The following CBX1 variants were observed in gnomAD, a reference collection of about 807,000 sequenced individuals.
The protein encoded by CBX1 is chromobox 1.
In CBX1, 10 loss-of-function variants were observed where a neutral mutation model predicts 25.1. The ratio of observed to expected loss-of-function variants is 0.40; its 90% CI spans 0.25 to 0.68. The LOEUF (loss-of-function observed/expected upper bound fraction) is 0.68. Among genes scored for constraint, CBX1 ranks in the 30% least tolerant of loss-of-function variants. CBX1 has a pLI of 0.40. For synonymous variants in CBX1, 63 were observed against 79.4 expected (o/e 0.79, Z 1.10); for missense variants, 106 against 218.5 (o/e 0.49, Z 3.25).
chr17:48,096,609 T>C (rs1001151122), intron 1 of CBX1, among the ~76,000 whole-genome samples: 1 of 151,580 alleles, frequency 6.6e-6, no homozygotes, highest in African/African-American at 2.4e-5. Flanking sequence ...TCATCTCTAC[T>C]AAAAATACAA....
At position 48,095,312 on chromosome 17, in the gene CBX1, G is replaced by A. The variant is rs139921660; in HGVS notation, c.-38+5956C>T. 9.9e-3 allele frequency among the ~76,000 whole-genome samples: 1,500 copies of A among 152,160 alleles called. 16 individuals carry two copies. The highest frequency in any genetic ancestry group is 0.016 in the Non-Finnish European group (1,120 of 67,988). On this transcript the variant is annotated intron_variant, in intron 1 of 4. Coordinates refer to ENST00000225603, the MANE Select transcript of CBX1 (RefSeq NM_001127228.2). ...ACAATAAAGATGGATGTCTCAGGTG[G>A]GGCGCGGTGGCTCACGCCTGTAATC...
At chr17:48,091,786 A>G (rs1216405151) in intron 1 of CBX1, among the ~76,000 whole-genome samples, 2 of 149,894 alleles carry the variant, frequency 1.3e-5, no homozygotes, top group African/African-American at 4.9e-5. Flanking sequence ...CAGGTGATCC[A>G]CCAGCCTCAG....
chr17:48,092,338 C>T (rs190560036), intron 1 of CBX1, among the ~76,000 whole-genome samples: 235 of 151,736 alleles, frequency 1.5e-3, no homozygotes, highest in Non-Finnish European at 3.0e-3. Flanking sequence ...ATAAAATTAG[C>T]GAGGCACTGT....
chr17:48,084,473 T>C (rs1020970237), intron 1 of CBX1, among the ~76,000 whole-genome samples: 1 of 148,488 alleles, frequency 6.7e-6, no homozygotes, highest in Non-Finnish European at 1.5e-5. Flanking sequence ...CCTCCCAAAG[T>C]GCTGGGATAA....
At chr17:48,086,888 A>T (rs981907154) in intron 1 of CBX1, among the ~76,000 whole-genome samples, 2 of 151,922 alleles carry the variant, frequency 1.3e-5, no homozygotes, top group Non-Finnish European at 2.9e-5. Flanking sequence ...AAAAGAAAAA[A>T]ACAATAAATA....
At chr17:48,075,140 G>C (rs968341788) in intron 3 of CBX1, 40 bp from the exon 4 acceptor site, 1 of 1,292,374 alleles carries the variant, frequency 7.7e-7, no homozygotes, top group African/African-American at 1.5e-5. Flanking sequence ...TATCTATATG[G>C]GACTATTATC....
In CBX1 at chr17:48,075,056, C is replaced by T. The variant is rs2037661517; in HGVS notation, c.363G>A (p.Arg121=). 1 of 1,614,172 alleles carries T rather than the reference C, an allele frequency of 6.2e-7. No homozygotes were observed. The highest frequency in any genetic ancestry group is 8.5e-7 in the Non-Finnish European group (1 of 1,180,006). Residue 121 remains arginine, a synonymous_variant, in exon 4 of 5, where the codon CGG becomes CGA. Transcript: ENST00000225603. ...CACTGGAGTCTGTAGCTCCAATAAT[C>T]CGCTCCGGCTCCAAACCTCGAGCAA... The part of the protein sequence containing the change: ...RGFARGLEPE[R]IIGATDSSGE...
At chr17:48,101,219 GC>G in intron 1 of CBX1, 48 bp downstream of exon 1, 1 of 990,228 alleles carries the variant, frequency 1.0e-6, no homozygotes, top group Non-Finnish European at 1.2e-6. Context: ...CGCCGCCGCC[GC>G]CGCCGCGCCC....
At chr17:48,083,764 C>A (rs1375110035) in intron 1 of CBX1, among the ~76,000 whole-genome samples, 3 of 149,868 alleles carry the variant, frequency 2.0e-5, no homozygotes, top group Non-Finnish European at 4.4e-5. Flanking sequence ...GCAGAGGTTA[C>A]AGTGAGCCGA....
chr17:48,091,953 A>ACAG (rs2063346103), intron 1 of CBX1, among the ~76,000 whole-genome samples: 1 of 146,122 alleles, frequency 6.8e-6, no homozygotes, highest in Non-Finnish European at 1.5e-5. Flanking sequence ...TACTCAGGTT[A>ACAG]CAGGCGTGAG....
At chr17:48,095,080 G>T (rs66479254) in intron 1 of CBX1, among the ~76,000 whole-genome samples, 5,572 of 151,956 alleles carry the variant, frequency 0.037, 114 homozygotes, top group East Asian at 0.054. Flanking sequence ...AAAGTAGTGT[G>T]CTCCTGTACA....
intron 4 of CBX1, among the ~76,000 whole-genome samples, chr17:48,073,125 TAAA>T (rs5820682): frequency 1.3e-5 from 2 of 148,648 alleles, no homozygotes; most frequent in Non-Finnish European, 3.0e-5. Flanking sequence ...CTGTCTCATT[TAAA>T]AAAAAAACAA....
At chr17:48,085,389 CAT>C (rs2144449688) in intron 1 of CBX1, among the ~76,000 whole-genome samples, 1 of 152,212 alleles carries the variant, frequency 6.6e-6, no homozygotes, top group East Asian at 1.9e-4. Context: ...CTGTTGAACA[CAT>C]AAAACTAGCA....
intron 1 of CBX1, 109 bp downstream of exon 1, chr17:48,101,159 C>A: frequency 1.0e-6 from 1 of 986,722 alleles, no homozygotes; most frequent in South Asian, 4.5e-5. Context: ...CGGGCGCGCT[C>A]CCCGCTCCTA....
intron 1 of CBX1, among the ~76,000 whole-genome samples, chr17:48,087,790 T>C (rs2063320978): frequency 6.9e-6 from 1 of 144,794 alleles, no homozygotes; most frequent in African/African-American, 2.6e-5. Context: ...GAGAATCACT[T>C]GAACCGGGGA....
chr17:48,077,441 T>TG (rs372389257), intron 1 of CBX1, among the ~76,000 whole-genome samples: 18,722 of 77,180 alleles, frequency 0.24, 2,012 homozygotes, highest in African/African-American at 0.35. Flanking sequence ...TTGTTTTTTT[T>TG]TTTGTTTTTT....
chr17:48,089,384 A>G (rs2063330879), intron 1 of CBX1, among the ~76,000 whole-genome samples: 2 of 150,972 alleles, frequency 1.3e-5, no homozygotes, highest in Admixed American at 1.3e-4. Context: ...TACAGGCATG[A>G]GCCACCGCGC....
intron 1 of CBX1, among the ~76,000 whole-genome samples, chr17:48,093,182 G>A (rs956300011): frequency 6.6e-6 from 1 of 151,536 alleles, no homozygotes; most frequent in Non-Finnish European, 1.5e-5. Context: ...GCTAAAGCAG[G>A]GAGAACTGCT....
intron 4 of CBX1, among the ~76,000 whole-genome samples, chr17:48,072,311 C>T (rs924659669): frequency 2.0e-5 from 3 of 152,134 alleles, no homozygotes; most frequent in South Asian, 4.2e-4. Flanking sequence ...TCGCCCGGCC[C>T]GTAATAGGAT....
Sources: gnomAD v4.1 joint callset for allele counts (sites outside exome capture counted in the v4.1 genomes callset) on GRCh38, gnomAD v4.1.1 for gene constraint, MANE v1.5 for transcripts, NCBI Gene and HGNC (gene_info 2026-07-23, HGNC 2026-07-21) for gene names.